The following BCAS3 variants were observed in gnomAD, a reference collection of about 807,000 sequenced individuals.
BCAS3 encodes BCAS4/BCAS3 fusion.
BCAS3 carries 53 observed loss-of-function variants against 116.1 expected under a neutral mutation model. The observed-to-expected ratio is 0.46, with a 90% confidence interval of 0.37 to 0.57. The LOEUF is 0.57. BCAS3 is among the 20% of genes least tolerant of loss of function. BCAS3 has a pLI of 0.00. For synonymous variants in BCAS3, 391 were observed against 408.2 expected (o/e 0.96, Z 0.51); for missense variants, 917 against 1,165.4 (o/e 0.79, Z 3.10).
In BCAS3 at chr17:61,390,460, C is replaced by G. The variant is rs1310649556; in HGVS notation, c.2594-1517C>G. The G allele has an allele frequency of 1.3e-5, 2 of 152,352 alleles. No individual in the cohort carries two copies. Among genetic ancestry groups the G allele is most frequent in the Admixed American group, 6.5e-5 (1 of 15,282 alleles). The allele number at this position is 152,352 out of a possible 1,614,324, so 9.4% of individuals were successfully genotyped here. On this transcript the variant is annotated intron_variant, in intron 23 of 23. Transcript: ENST00000407086. This position sits in a 1 kb window ranked among gnomAD's most constrained non-coding sequence, Gnocchi z 6.8. ...AGGCCCTCGGTCCCTGTCCACAGTC[C>G]CATCCCCCTACTTTCCCCAATTTGC... is the stretch of plus-strand genomic sequence containing the variant.
rs1045136067 is a variant in BCAS3, at chr17:61,261,450, A to G, written c.2426-106877A>G. On this transcript the variant is annotated intron_variant, in intron 22 of 23. Transcript: ENST00000407086. This position sits in a 1 kb window ranked among gnomAD's most constrained non-coding sequence, Gnocchi z 4.4. Reference sequence around the variant, plus strand: ...AACAGCTTGTAAAGTTTTTTTTATCATTCCTTTCCAGATTGTGTGGGCCAC... The same window carrying G: ...AACAGCTTGTAAAGTTTTTTTTATCGTTCCTTTCCAGATTGTGTGGGCCAC... 3.9e-5 allele frequency among the ~76,000 whole-genome samples: 6 copies of G among 152,084 alleles called. No homozygotes were observed. The highest frequency in any genetic ancestry group is 7.4e-5 in the Non-Finnish European group (5 of 68,010).
chr17:61,342,734 T>C (rs1269160840), intron 22 of BCAS3, among the ~76,000 whole-genome samples: 1 of 151,192 alleles, frequency 6.6e-6, no homozygotes, highest in Non-Finnish European at 1.5e-5. Flanking sequence ...ATGTACTGTA[T>C]GAAGAGATTT....
chr17:60,737,093 C>T (rs887271231), intron 5 of BCAS3, among the ~76,000 whole-genome samples: 6 of 152,054 alleles, frequency 3.9e-5, no homozygotes, highest in South Asian at 4.1e-4. Context: ...GCATGCACCA[C>T]CACGCCTGGC....
At chr17:60,801,868 C>G (rs1193817298) in intron 6 of BCAS3, among the ~76,000 whole-genome samples, 1 of 152,096 alleles carries the variant, frequency 6.6e-6, no homozygotes, top group Non-Finnish European at 1.5e-5. Context: ...TCTCTGTTCT[C>G]TCTTTTGGAA....
chr17:60,867,625 C>T (rs1422903646), intron 7 of BCAS3, among the ~76,000 whole-genome samples: 1 of 152,054 alleles, frequency 6.6e-6, no homozygotes, highest in African/African-American at 2.4e-5. Flanking sequence ...TATATTCTAA[C>T]AGTTGGTCTT....
chr17:60,999,710 G>A (rs2064107831), intron 15 of BCAS3, among the ~76,000 whole-genome samples: 1 of 152,012 alleles, frequency 6.6e-6, no homozygotes, highest in Non-Finnish European at 1.5e-5. Flanking sequence ...AATTTGGTAG[G>A]AATAGTATTG....
chr17:60,709,150 A>G, intron 4 of BCAS3, 69 bp from the exon 5 acceptor site: 3 of 760,164 alleles, frequency 3.9e-6, no homozygotes, highest in Non-Finnish European at 6.8e-6. Flanking sequence ...CATTAAAGAA[A>G]TACAGTTGTT....
rs754656266 is a variant in BCAS3 at position 61,189,123 on chromosome 17, AAGAG to A, written c.2425+104573_2425+104576del. Among the ~76,000 whole-genome samples, 9 of 151,756 alleles carry A rather than the reference AAGAG, an allele frequency of 5.9e-5. No homozygotes were observed. The highest frequency in any genetic ancestry group is 4.2e-4 in the South Asian group (2 of 4,798). ...GCCTGAAAACAAAACAAAACAAAAAAAGAGAGAGAGAGAGAGAACAGCACACTTC... is the reference window on the plus strand; with the variant it reads ...GCCTGAAAACAAAACAAAACAAAAAAAGAGAGAGAGAGAACAGCACACTTC... On this transcript the variant is annotated intron_variant, in intron 22 of 23. Coordinates refer to ENST00000407086, the MANE Select transcript of BCAS3 (RefSeq NM_017679.5). The surrounding 1 kb of genome is among the most constrained non-coding windows in gnomAD (Gnocchi z 4.5).
chr17:60,998,975 T>A lies in BCAS3; in HGVS notation c.1486+8740T>A, dbSNP rs192234579. 1.3e-3 allele frequency among the ~76,000 whole-genome samples: 202 copies of A among 152,336 alleles called. 1 individual carries two copies. Among genetic ancestry groups the A allele is most frequent in the Non-Finnish European group, 5.1e-4 (35 of 68,032 alleles). On this transcript the variant is annotated intron_variant, in intron 15 of 23. Coordinates refer to ENST00000407086, the MANE Select transcript of BCAS3 (RefSeq NM_017679.5). ...TTACATTTAAGTCTCTAATCCATCTTGAGTTAATTTTTGTATGTGGTGAGT... is the reference window on the plus strand; with the variant it reads ...TTACATTTAAGTCTCTAATCCATCTAGAGTTAATTTTTGTATGTGGTGAGT...
chr17:60,952,200 A>C (rs979809461), intron 14 of BCAS3, among the ~76,000 whole-genome samples: 1 of 152,158 alleles, frequency 6.6e-6, no homozygotes, highest in African/African-American at 2.4e-5. Context: ...TTGTTGCTAC[A>C]GTTTAGAAAA....
chr17:60,757,350 AT>A (rs1190081585), intron 6 of BCAS3, among the ~76,000 whole-genome samples: 2 of 150,414 alleles, frequency 1.3e-5, no homozygotes, highest in African/African-American at 4.9e-5. Context: ...AAATAAATAA[AT>A]AAATAAATAA....
At chr17:61,025,644 C>T (rs1429094665) in intron 16 of BCAS3, among the ~76,000 whole-genome samples, 4 of 151,968 alleles carry the variant, frequency 2.6e-5, no homozygotes, top group Admixed American at 1.3e-4. Flanking sequence ...GACATCGTAC[C>T]GCTGGGTATG....
In BCAS3 at chr17:61,037,770, C is replaced by G; in HGVS notation, c.1763-119C>G. ...AAGAAAAAAAGAAAAAAATTCCTGT[C>G]TTTTCATTTTCTCTGAGCAGCCTCA... is the stretch of plus-strand genomic sequence containing the variant. On this transcript the variant is annotated intron_variant, in intron 17 of 23. Transcript: ENST00000407086. This position sits in a 1 kb window ranked among gnomAD's most constrained non-coding sequence, Gnocchi z 4.7. 1 of 965,294 alleles carries G rather than the reference C, an allele frequency of 1.0e-6. No individual in the cohort carries two copies. The highest frequency in any genetic ancestry group is 1.5e-6 in the Non-Finnish European group (1 of 685,344). The allele number at this position is 965,294 out of a possible 1,614,324, so 59.8% of individuals were successfully genotyped here. A position where few individuals can be genotyped will look rare whatever the true frequency, so the allele number is the denominator to read the frequency against.
intron 6 of BCAS3, among the ~76,000 whole-genome samples, chr17:60,778,309 C>T (rs1434290549): frequency 6.6e-6 from 1 of 152,060 alleles, no homozygotes; most frequent in African/African-American, 2.4e-5. Flanking sequence ...TTCTCAAACT[C>T]ATTTCATCTC....
Position 61,196,218 on chromosome 17 carries a change from C to T in BCAS3, c.2425+111654C>T, listed in dbSNP as rs975174357. On this transcript the variant is annotated intron_variant, in intron 22 of 23. Coordinates refer to ENST00000407086, the MANE Select transcript of BCAS3 (RefSeq NM_017679.5). This position sits in a 1 kb window ranked among gnomAD's most constrained non-coding sequence, Gnocchi z 4.7. ...GACGTTATTCCGTAACACAGTGAAT[C>T]TCAGAATTTATTTTTTCAACTGATA... 1.3e-5 allele frequency among the ~76,000 whole-genome samples: 2 copies of T among 152,284 alleles called. No homozygotes were observed. The highest frequency in any genetic ancestry group is 4.8e-5 in the African/African-American group (2 of 41,558).
chr17:61,034,578 G>A lies in BCAS3; in HGVS notation c.1638-88G>A. Reference sequence around the variant, plus strand: ...GTTCATACTGGAGGATTTGAATAGGGGTGGAATTTAAAGGAAAAACTGTCA... The same window carrying A: ...GTTCATACTGGAGGATTTGAATAGGAGTGGAATTTAAAGGAAAAACTGTCA... On this transcript the variant is annotated intron_variant, in intron 16 of 23. Coordinates refer to ENST00000407086, the MANE Select transcript of BCAS3 (RefSeq NM_017679.5). The surrounding 1 kb of genome is among the most constrained non-coding windows in gnomAD (Gnocchi z 5.0). The A allele has an allele frequency of 8.3e-7, 1 of 1,207,866 alleles. No individual in the cohort carries two copies. Among genetic ancestry groups the A allele is most frequent in the South Asian group, 1.5e-5 (1 of 64,912 alleles). The allele number at this position is 1,207,866 out of a possible 1,614,324, so 74.8% of individuals were successfully genotyped here.
At chr17:61,060,539 G>C (rs903903647) in intron 19 of BCAS3, among the ~76,000 whole-genome samples, 3 of 152,158 alleles carry the variant, frequency 2.0e-5, no homozygotes, top group African/African-American at 7.2e-5. Flanking sequence ...ATCACTCACT[G>C]AATGATCCTG....
chr17:61,040,943 A>G, intron 19 of BCAS3, 51 bp downstream of exon 19: 1 of 1,467,548 alleles, frequency 6.8e-7, no homozygotes. Context: ...TTCAGATTTC[A>G]TCTTAAAATG....
chr17:61,290,879 C>A (rs1046889760), intron 22 of BCAS3, among the ~76,000 whole-genome samples: 4 of 152,162 alleles, frequency 2.6e-5, no homozygotes, highest in South Asian at 4.1e-4. Context: ...CTCCCGGGTT[C>A]ATGCCATTCT....
Sources: gnomAD v4.1 joint callset for allele counts (sites outside exome capture counted in the v4.1 genomes callset) on GRCh38, gnomAD v4.1.1 for gene constraint, Gnocchi (gnomAD v3.1) non-coding constraint, MANE v1.5 for transcripts, NCBI Gene and HGNC (gene_info 2026-07-23, HGNC 2026-07-21) for gene names.